ARHGAP18: variants seen among roughly 807,000 people sequenced by gnomAD.
ARHGAP18 encodes rho GTPase-activating protein 18.
Under a neutral mutation model 86.2 loss-of-function variants are expected in ARHGAP18, and 67 were observed. The observed-to-expected ratio is 0.78, with a 90% CI of 0.64 to 0.95. ARHGAP18 has a LOEUF of 0.95. Ranked by LOEUF, ARHGAP18 falls within the 40% of genes least tolerant of loss-of-function variation. The pLI, the probability that ARHGAP18 is intolerant of heterozygous loss-of-function variation, is 0.00. For synonymous variants in ARHGAP18, 283 were observed against 280.4 expected, an observed-to-expected ratio of 1.01 and a Z score of -0.09; for missense variants, 691 against 780.4, an observed-to-expected ratio of 0.89 and a Z score of 1.37.
At chr6:129,663,207 G>A (rs1773985375) in intron 1 of ARHGAP18, among the ~76,000 whole-genome samples, 1 of 152,142 alleles carries the variant, frequency 6.6e-6, no homozygotes, top group African/African-American at 2.4e-5. Flanking sequence ...GTTTAGAGCT[G>A]AAACGACCCT....
At chr6:129,607,632 T>C (rs1788881449) in intron 9 of ARHGAP18, among the ~76,000 whole-genome samples, 1 of 152,194 alleles carries the variant, frequency 6.6e-6, no homozygotes, top group Non-Finnish European at 1.5e-5. Flanking sequence ...GTTTTAACAC[T>C]GAAATATATT....
intron 1 of ARHGAP18, among the ~76,000 whole-genome samples, chr6:129,683,727 C>T (rs1171427830): frequency 1.3e-5 from 2 of 152,148 alleles, no homozygotes. Context: ...GCCCAATTTA[C>T]CTTTCACAAC....
intron 1 of ARHGAP18, among the ~76,000 whole-genome samples, chr6:129,644,239 TC>T: frequency 6.6e-6 from 1 of 152,324 alleles, no homozygotes; most frequent in East Asian, 1.9e-4. Flanking sequence ...GCCTCAATCG[TC>T]CTGTTTACAT....
chr6:129,654,214 G>A (rs1190630221), intron 1 of ARHGAP18, among the ~76,000 whole-genome samples: 1 of 152,212 alleles, frequency 6.6e-6, no homozygotes, highest in Non-Finnish European at 1.5e-5. Flanking sequence ...AAGGTGAGGG[G>A]AGGAGAGGTA....
chr6:129,623,001 CAAAACA>C (rs1562694850), intron 5 of ARHGAP18, among the ~76,000 whole-genome samples: 5 of 15,406 alleles, frequency 3.2e-4, no homozygotes, highest in Admixed American at 6.8e-4. Flanking sequence ...AACTCCATCT[CAAAACA>C]AAAAAAAAAA....
At chr6:129,625,852 TTATATTTA>T (rs1789436170) in intron 5 of ARHGAP18, among the ~76,000 whole-genome samples, 1 of 65,030 alleles carries the variant, frequency 1.5e-5, no homozygotes, top group African/African-American at 6.2e-5. Flanking sequence ...ATATTATATA[TTATATTTA>T]TATATTATAT....
At chr6:129,671,424 C>T (rs34668341) in intron 1 of ARHGAP18, among the ~76,000 whole-genome samples, 4 of 152,002 alleles carry the variant, frequency 2.6e-5, no homozygotes, top group East Asian at 1.9e-4. Flanking sequence ...TAGGGCCAGG[C>T]GCAGTGGCTT....
intron 1 of ARHGAP18, among the ~76,000 whole-genome samples, chr6:129,691,763 A>T (rs1186085957): frequency 6.6e-6 from 1 of 152,160 alleles, no homozygotes; most frequent in Non-Finnish European, 1.5e-5. Context: ...GTCCTCACCC[A>T]CCCACTGCCC....
chr6:129,684,640 C>A lies in ARHGAP18; in HGVS notation c.113+25384G>T, dbSNP rs146076719. On this transcript the variant is annotated intron_variant, in intron 1 of 14. Transcript: ENST00000368149. ...ATTAGGTGTCATGGAGCCTGCGGCA[C>A]ACAGAGGGTCCTCCAAAACAGCATT... Among the ~76,000 whole-genome samples, 571 of 152,288 alleles carry A rather than the reference C, an allele frequency of 3.7e-3. 4 individuals are homozygous for A. Among genetic ancestry groups the A allele is most frequent in the Admixed American group, 7.5e-3 (114 of 15,302 alleles).
intron 5 of ARHGAP18, among the ~76,000 whole-genome samples, chr6:129,622,941 C>T (rs1789260095): frequency 7.5e-6 from 1 of 133,292 alleles, no homozygotes; most frequent in Non-Finnish European, 1.5e-5. Flanking sequence ...GTGGATGTTG[C>T]AGTGAGCCGA....
chr6:129,672,202 T>C (rs909985832), intron 1 of ARHGAP18, among the ~76,000 whole-genome samples: 3 of 152,354 alleles, frequency 2.0e-5, no homozygotes, highest in East Asian at 3.9e-4. Context: ...TGTGTCCCTC[T>C]GACCCCACCC....
At chr6:129,640,784 C>T (rs555182311) in intron 2 of ARHGAP18, among the ~76,000 whole-genome samples, 22 of 152,258 alleles carry the variant, frequency 1.4e-4, no homozygotes, top group Non-Finnish European at 2.5e-4. Flanking sequence ...TTGGGGCTCT[C>T]ACATTTTGGC....
intron 12 of ARHGAP18, among the ~76,000 whole-genome samples, chr6:129,585,813 A>C (rs1313163894): frequency 6.6e-6 from 1 of 152,188 alleles, no homozygotes; most frequent in Non-Finnish European, 1.5e-5. Flanking sequence ...TGTGAAGGAC[A>C]ACCTAATTCC....
intron 1 of ARHGAP18, among the ~76,000 whole-genome samples, chr6:129,706,081 T>C (rs1361563865): frequency 6.6e-6 from 1 of 152,158 alleles, no homozygotes; most frequent in Non-Finnish European, 1.5e-5. Context: ...AGCTAAGGAA[T>C]TAAAAGGCCC....
chr6:129,582,015 C>T (rs542596715), intron 13 of ARHGAP18, among the ~76,000 whole-genome samples: 2 of 151,952 alleles, frequency 1.3e-5, no homozygotes, highest in South Asian at 4.2e-4. Flanking sequence ...GAAGGTGAAA[C>T]AGAAATAGTT....
chr6:129,668,082 G>C (rs1325117163), intron 1 of ARHGAP18, among the ~76,000 whole-genome samples: 1 of 152,142 alleles, frequency 6.6e-6, no homozygotes, highest in African/African-American at 2.4e-5. Context: ...AGATACCATA[G>C]ATATGTAAAG....
intron 2 of ARHGAP18, among the ~76,000 whole-genome samples, chr6:129,641,313 G>A (rs901820096): frequency 2.0e-5 from 3 of 152,178 alleles, no homozygotes; most frequent in African/African-American, 7.2e-5. Flanking sequence ...AAATAGAAGA[G>A]CCTTCTTCTG....
intron 1 of ARHGAP18, among the ~76,000 whole-genome samples, chr6:129,674,179 G>A (rs1446172885): frequency 1.3e-5 from 2 of 152,174 alleles, no homozygotes; most frequent in East Asian, 3.8e-4. Flanking sequence ...AGAAACAAGT[G>A]TAAGATGTTA....
chr6:129,629,538 G>A lies in ARHGAP18; in HGVS notation c.617-16C>T, dbSNP rs1353401321. On this transcript the variant is annotated splice_polypyrimidine_tract_variant and intron_variant, in intron 4 of 14. Coordinates refer to ENST00000368149, the MANE Select transcript of ARHGAP18 (RefSeq NM_033515.3). ...GATGCCTCGTCTAGGGGCCCGGGGG[G>A]AAAGAACCCAATTCATATGCTTTAT... 2 of 1,593,634 alleles carry A rather than the reference G, an allele frequency of 1.3e-6. No homozygotes were observed. The highest frequency in any genetic ancestry group is 1.7e-6 in the Non-Finnish European group (2 of 1,174,084).
Sources: gnomAD v4.1 joint callset for allele counts (sites outside exome capture counted in the v4.1 genomes callset) on GRCh38, gnomAD v4.1.1 for gene constraint, MANE v1.5 for transcripts, NCBI Gene and HGNC (gene_info 2026-07-23, HGNC 2026-07-21) for gene names.